B3GALT1: variants seen among roughly 807,000 people sequenced by gnomAD.
B3GALT1 encodes the protein beta-1,3-galactosyltransferase 1.
B3GALT1 carries 10 observed loss-of-function variants against 23.2 expected under a neutral mutation model. The observed-to-expected ratio is 0.43, with a 90% CI of 0.27 to 0.73. B3GALT1 has a LOEUF of 0.73. B3GALT1 is among the 30% of genes least tolerant of loss of function. The pLI is 0.21. For synonymous variants in B3GALT1, 156 were observed against 141.5 expected (o/e 1.10, Z -0.73); for missense variants, 299 against 405.4 (o/e 0.74, Z 2.25).
intron 1 of B3GALT1, among the ~76,000 whole-genome samples, chr2:167,337,519 A>T (rs1273787739): frequency 6.6e-6 from 1 of 152,184 alleles, no homozygotes. Flanking sequence ...TGGGATGTAT[A>T]ATTAAATCTT....
intron 1 of B3GALT1, among the ~76,000 whole-genome samples, chr2:167,429,236 G>A (rs113924490): frequency 0.011 from 1,668 of 148,230 alleles, 29 homozygotes; most frequent in African/African-American, 0.036. Flanking sequence ...AGCCGAGATC[G>A]CGCCGCTGCA....
At chr2:167,769,866 A>G (rs1275196426) in intron 3 of B3GALT1, among the ~76,000 whole-genome samples, 5 of 152,358 alleles carry the variant, frequency 3.3e-5, no homozygotes, top group African/African-American at 1.2e-4. Flanking sequence ...AATATATTCA[A>G]GATTTTGTGC....
intron 4 of B3GALT1, among the ~76,000 whole-genome samples, chr2:167,828,600 G>A (rs996758465): frequency 1.3e-5 from 2 of 152,188 alleles, no homozygotes; most frequent in African/African-American, 4.8e-5. Flanking sequence ...GTAGGCAAAT[G>A]CATAAAATTG....
intron 3 of B3GALT1, among the ~76,000 whole-genome samples, chr2:167,732,331 TA>T (rs553882791): frequency 1.3e-5 from 2 of 152,168 alleles, no homozygotes; most frequent in South Asian, 4.1e-4. Flanking sequence ...GGCACCACAT[TA>T]AAAAACAGAG....
intron 1 of B3GALT1, among the ~76,000 whole-genome samples, chr2:167,461,058 C>T (rs895650526): frequency 6.6e-6 from 1 of 152,110 alleles, no homozygotes. Flanking sequence ...GAAGGGCTTG[C>T]AACAATGGGA....
chr2:167,743,198 T>C (rs1456257132), intron 3 of B3GALT1, among the ~76,000 whole-genome samples: 1 of 152,108 alleles, frequency 6.6e-6, no homozygotes, highest in African/African-American at 2.4e-5. Flanking sequence ...TTTTTTGTTA[T>C]AACAAGCAAT....
At chr2:167,441,596 T>C (rs894787263) in intron 1 of B3GALT1, among the ~76,000 whole-genome samples, 4 of 152,242 alleles carry the variant, frequency 2.6e-5, no homozygotes, top group Admixed American at 2.0e-4. Flanking sequence ...ATAGCACTCT[T>C]CCTTAACCAT....
At chr2:167,711,301 G>T (rs1574225614) in intron 3 of B3GALT1, among the ~76,000 whole-genome samples, 1 of 152,062 alleles carries the variant, frequency 6.6e-6, no homozygotes, top group African/African-American at 2.4e-5. Flanking sequence ...TATATTTATT[G>T]TAGCATCTAA....
chr2:167,525,253 A>G (rs1485771411), intron 2 of B3GALT1, among the ~76,000 whole-genome samples: 1 of 152,154 alleles, frequency 6.6e-6, no homozygotes, highest in Admixed American at 6.5e-5. Context: ...TGAGAAAGGA[A>G]ATTGTGTTTT....
At chr2:167,740,848 C>A (rs1179373766) in intron 3 of B3GALT1, among the ~76,000 whole-genome samples, 1 of 152,128 alleles carries the variant, frequency 6.6e-6, no homozygotes, top group African/African-American at 2.4e-5. Context: ...TACAACCAAC[C>A]ACACTTTAGT....
chr2:167,812,493 A>G (rs1688910224), intron 3 of B3GALT1, among the ~76,000 whole-genome samples: 1 of 152,226 alleles, frequency 6.6e-6, no homozygotes, highest in African/African-American at 2.4e-5. Context: ...CAACTCATTT[A>G]TCTAGGCTAA....
intron 1 of B3GALT1, among the ~76,000 whole-genome samples, chr2:167,314,836 T>C (rs1236422806): frequency 1.3e-5 from 2 of 152,134 alleles, no homozygotes; most frequent in Non-Finnish European, 2.9e-5. Context: ...GAAAAGATAC[T>C]TTACATAAGT....
At chr2:167,526,011 G>A (rs183992190) in intron 2 of B3GALT1, among the ~76,000 whole-genome samples, 1 of 152,020 alleles carries the variant, frequency 6.6e-6, no homozygotes, top group African/African-American at 2.4e-5. Context: ...GGTTCAAGAT[G>A]CTCCTGGATC....
At chr2:167,353,152 G>A (rs1329281881) in intron 1 of B3GALT1, among the ~76,000 whole-genome samples, 3 of 152,220 alleles carry the variant, frequency 2.0e-5, no homozygotes, top group African/African-American at 4.8e-5. Context: ...GGAGATGGTA[G>A]TAAGGTAAAC....
chr2:167,716,193 C>T (rs779652364), intron 3 of B3GALT1: 302 of 1,054,780 alleles, frequency 2.9e-4, no homozygotes, highest in Non-Finnish European at 3.9e-4. Flanking sequence ...ACTGCGGAGC[C>T]GGCTGCGGAG....
chr2:167,489,420 A>G (rs1196235118), intron 1 of B3GALT1, among the ~76,000 whole-genome samples: 1 of 152,244 alleles, frequency 6.6e-6, no homozygotes, highest in African/African-American at 2.4e-5. Flanking sequence ...AACAAGGTTT[A>G]CAAAGAAACA....
intron 1 of B3GALT1, among the ~76,000 whole-genome samples, chr2:167,410,951 T>G (rs1354848225): frequency 6.6e-6 from 1 of 152,040 alleles, no homozygotes; most frequent in Non-Finnish European, 1.5e-5. Flanking sequence ...AAAATGTTGA[T>G]GCTATACAAA....
At chr2:167,489,040 T>A (rs1310434863) in intron 1 of B3GALT1, among the ~76,000 whole-genome samples, 1 of 152,108 alleles carries the variant, frequency 6.6e-6, no homozygotes, top group African/African-American at 2.4e-5. Context: ...AATCTACAAC[T>A]ATGTGCTTTT....
intron 2 of B3GALT1, among the ~76,000 whole-genome samples, chr2:167,509,332 A>G (rs936215293): frequency 1.3e-5 from 2 of 152,210 alleles, no homozygotes; most frequent in Admixed American, 6.6e-5. Context: ...TGTATCAGGC[A>G]CCTTTGTAGA....
Sources: allele counts gnomAD v4.1 joint callset (sites outside exome capture counted in the v4.1 genomes callset), GRCh38; gene constraint gnomAD v4.1.1; transcripts MANE v1.5; gene names NCBI Gene and HGNC (gene_info 2026-07-23, HGNC 2026-07-21).